Variants in ZNF827 observed in about 807,000 individuals in gnomAD.
The protein encoded by ZNF827 is zinc finger protein 827.
In ZNF827, 13 loss-of-function variants were observed where a neutral mutation model predicts 102.4. The ratio of observed to expected loss-of-function variants is 0.13; its 90% CI spans 0.08 to 0.20. The LOEUF (loss-of-function observed/expected upper bound fraction) is 0.20. Ranked by LOEUF, ZNF827 falls within the 10% of genes least tolerant of loss-of-function variation. The pLI is 1.00. For missense variants in ZNF827, 1,103 were observed against 1,344.4 expected (o/e 0.82, Z 2.81); for synonymous variants, 523 against 536.2 (o/e 0.98, Z 0.34).
rs561708980 is a variant in ZNF827, at chr4:145,776,662, G to C, written c.2522-702C>G. Among the ~76,000 whole-genome samples, 183 of 152,216 alleles carry C rather than the reference G, an allele frequency of 1.2e-3. 7 individuals carry two copies. The South Asian group carries it at 0.037, about 31-fold the overall frequency. On this transcript the variant is annotated intron_variant, in intron 9 of 14. Transcript: ENST00000508784. ...GTCAGTCATGGGTGAGTGCTGAGCA[G>C]GGGAGGGGGAATAAAACACAGCATT...
At chr4:145,864,270 T>C (rs1747982426) in intron 5 of ZNF827, among the ~76,000 whole-genome samples, 1 of 151,444 alleles carries the variant, frequency 6.6e-6, no homozygotes, top group African/African-American at 2.4e-5. Context: ...AAACATAAAA[T>C]ATATAAATTC....
chr4:145,795,304 C>T (rs889280254), intron 8 of ZNF827, among the ~76,000 whole-genome samples: 7 of 152,246 alleles, frequency 4.6e-5, no homozygotes, highest in East Asian at 1.9e-4. Flanking sequence ...ACCCACCACC[C>T]GCCTGGCTAA....
intron 7 of ZNF827, chr4:145,835,279 A>C (rs966488636): frequency 2.6e-5 from 4 of 151,982 alleles, no homozygotes. Context: ...GCTTCGGGTA[A>C]CTCTCACAGT....
chr4:145,761,177 C>A lies in ZNF827; in HGVS notation c.*439G>T. 7.8e-7 allele frequency: 1 copy of A among 1,289,840 alleles called. No homozygotes were observed. The highest frequency in any genetic ancestry group is 1.0e-6 in the Non-Finnish European group (1 of 988,870). 79.9% of individuals were successfully genotyped at this position (1,289,840 alleles called of 1,614,324 possible). A position where few individuals can be genotyped will look rare whatever the true frequency, so the allele number is the denominator to read the frequency against. The stretch of plus-strand genomic sequence containing the variant: ...GCTGGACACAGGCCCTTCTTGTCCT[C>A]CTCGGGGCAGTCCCCACTCTGGTGC... On this transcript the variant is annotated 3_prime_UTR_variant, in exon 15 of 15. Transcript: ENST00000508784. The surrounding 1 kb of genome is among the most constrained non-coding windows in gnomAD (Gnocchi z 6.8).
chr4:145,904,733 CGT>C (rs1210500948), intron 1 of ZNF827, among the ~76,000 whole-genome samples: 2 of 152,068 alleles, frequency 1.3e-5, no homozygotes, highest in African/African-American at 4.8e-5. Flanking sequence ...TGTGTGTGCG[CGT>C]GTGTGCACAT....
intron 1 of ZNF827, among the ~76,000 whole-genome samples, chr4:145,914,746 C>T (rs1752551943): frequency 6.6e-6 from 1 of 152,232 alleles, no homozygotes; most frequent in South Asian, 2.1e-4. Context: ...GTGGTTTTAT[C>T]CATTTAATTC....
intron 6 of ZNF827, among the ~76,000 whole-genome samples, chr4:145,846,490 AAAC>A (rs1745959721): frequency 7.0e-6 from 1 of 142,308 alleles, no homozygotes; most frequent in African/African-American, 2.7e-5. Context: ...ACAAACAAAC[AAAC>A]AAAAAAACAC....
rs71973224 is a variant in ZNF827, at chr4:145,849,237, GTTTT to G, written c.2221+81_2221+84del. The G allele has an allele frequency of 1.0e-4, 141 of 1,342,970 alleles. No individual in the cohort carries two copies. The African/African-American group carries it at 1.5e-3, about 15-fold the overall frequency. 83.2% of individuals were successfully genotyped at this position (1,342,970 alleles called of 1,614,324 possible). A position where few individuals can be genotyped will look rare whatever the true frequency, so the allele number is the denominator to read the frequency against. ...CTGTCTAAAAAATCCTATAATTCAG[GTTTT>G]TTTTTTTAAAAAAAACTGTGTTAGA... On this transcript the variant is annotated intron_variant, in intron 6 of 14. Coordinates refer to ENST00000508784, the MANE Select transcript of ZNF827 (RefSeq NM_001306215.2).
chr4:145,824,650 C>T (rs1241377761), intron 7 of ZNF827, among the ~76,000 whole-genome samples: 5 of 152,118 alleles, frequency 3.3e-5, no homozygotes, highest in Admixed American at 3.3e-4. Flanking sequence ...CTCCCCCTAC[C>T]TCTCACCAGT....
At chr4:145,925,198 A>G (rs1753341132) in intron 1 of ZNF827, among the ~76,000 whole-genome samples, 1 of 152,192 alleles carries the variant, frequency 6.6e-6, no homozygotes, top group African/African-American at 2.4e-5. Flanking sequence ...CTCGCACTAG[A>G]TCCCTGCCAT....
chr4:145,825,937 T>C (rs1235418696), intron 7 of ZNF827, among the ~76,000 whole-genome samples: 2 of 152,298 alleles, frequency 1.3e-5, no homozygotes, highest in Admixed American at 6.5e-5. Flanking sequence ...ATACTAAAAA[T>C]GCACAAAAGG....
chr4:145,786,082 A>G (rs1042499336), intron 8 of ZNF827, among the ~76,000 whole-genome samples: 2 of 152,184 alleles, frequency 1.3e-5, no homozygotes, highest in Non-Finnish European at 2.9e-5. Flanking sequence ...GTTCCCTTGA[A>G]CCTTTCATTG....
At chr4:145,935,880 C>T (rs1037711310) in intron 1 of ZNF827, among the ~76,000 whole-genome samples, 1 of 152,056 alleles carries the variant, frequency 6.6e-6, no homozygotes, top group Non-Finnish European at 1.5e-5. Context: ...TGCCCGACTG[C>T]ACTACACACA....
chr4:145,938,771 G>T lies in ZNF827; in HGVS notation c.-364C>A. 4.5e-6 allele frequency: 1 copy of T among 223,438 alleles called. No homozygotes were observed. Among genetic ancestry groups the T allele is most frequent in the African/African-American group, 2.3e-5 (1 of 44,222 alleles). 13.8% of individuals were successfully genotyped at this position (223,438 alleles called of 1,614,324 possible). A position where few individuals can be genotyped will look rare whatever the true frequency, so the allele number is the denominator to read the frequency against. On this transcript the variant is annotated 5_prime_UTR_variant, in exon 1 of 15. Coordinates refer to ENST00000508784, the MANE Select transcript of ZNF827 (RefSeq NM_001306215.2). ...GAGGTATAAATAAATGAGTGCCGGT[G>T]CGGCGGTGTCTATGGCCGCGCTCTG...
intron 1 of ZNF827, among the ~76,000 whole-genome samples, chr4:145,920,438 G>A (rs950559073): frequency 1.3e-5 from 2 of 152,164 alleles, no homozygotes; most frequent in African/African-American, 2.4e-5. Flanking sequence ...GCACTTAGAC[G>A]GTGGTATCCC....
intron 4 of ZNF827, among the ~76,000 whole-genome samples, chr4:145,871,022 G>A (rs1748638011): frequency 6.6e-6 from 1 of 152,052 alleles, no homozygotes; most frequent in African/African-American, 2.4e-5. Flanking sequence ...CATAAACAGT[G>A]GGGCATTTAC....
intron 1 of ZNF827, among the ~76,000 whole-genome samples, chr4:145,930,870 C>A: frequency 6.6e-6 from 1 of 151,980 alleles, no homozygotes; most frequent in South Asian, 2.1e-4. Context: ...CATGTGTGTA[C>A]ATGCAGTGAA....
In ZNF827 at chr4:145,850,287, G is replaced by A. The variant is rs144953885; in HGVS notation, c.1982-726C>T. Among the ~76,000 whole-genome samples, 523 of 152,270 alleles carry A rather than the reference G, an allele frequency of 3.4e-3. 2 individuals carry two copies. Among genetic ancestry groups the A allele is most frequent in the African/African-American group, 0.012 (502 of 41,534 alleles). On this transcript the variant is annotated intron_variant, in intron 5 of 14. Coordinates refer to ENST00000508784, the MANE Select transcript of ZNF827 (RefSeq NM_001306215.2). ...GGCCTCCAAAAGTGCTGGGATTACA[G>A]GCATGAGCCACTGCGCCCGGCCTCT...
At chr4:145,835,845 T>G (rs1263438126) in intron 7 of ZNF827, among the ~76,000 whole-genome samples, 1 of 151,188 alleles carries the variant, frequency 6.6e-6, no homozygotes, top group Non-Finnish European at 1.5e-5. Context: ...CCATTTTACC[T>G]GTCCTAAAAC....
Sources: allele counts gnomAD v4.1 joint callset (sites outside exome capture counted in the v4.1 genomes callset), GRCh38; gene constraint gnomAD v4.1.1; non-coding constraint Gnocchi (gnomAD v3.1); transcripts MANE v1.5; gene names NCBI Gene and HGNC (gene_info 2026-07-23, HGNC 2026-07-21).